Variants in CERS4 observed in about 807,000 individuals in gnomAD.
CERS4 encodes the protein LAG1 homolog, ceramide synthase 4.
Under a neutral mutation model 51.8 loss-of-function variants are expected in CERS4, and 65 were observed. That is an observed-to-expected ratio of 1.26 (90% CI 1.03 to 1.54). CERS4 has a LOEUF of 1.54. Among genes scored for constraint, CERS4 ranks in the 40% most tolerant of loss-of-function variants. CERS4 has a pLI of 0.00. For missense variants in CERS4, 563 were observed against 500.4 expected, an observed-to-expected ratio of 1.13 and a Z score of -1.19; for synonymous variants, 228 against 208.4, an observed-to-expected ratio of 1.09 and a Z score of -0.81.
chr19:8,256,886 C>G (rs1969415680), intron 8 of CERS4, 63 bp from the exon 9 acceptor site: 1 of 1,611,530 alleles, frequency 6.2e-7, no homozygotes, highest in Non-Finnish European at 8.5e-7. Flanking sequence ...CTTCTTGGCC[C>G]ATAGGGTGGG....
At chr19:8,238,619 G>A (rs753295928) in intron 2 of CERS4, 19 of 980,946 alleles carry the variant, frequency 1.9e-5, no homozygotes, top group Non-Finnish European at 2.3e-5. Flanking sequence ...CCAGAGTTGG[G>A]TGGGCACCTG....
At chr19:8,258,077 C>T in intron 10 of CERS4, 92 bp downstream of exon 10, 4 of 1,026,024 alleles carry the variant, frequency 3.9e-6, no homozygotes, top group Non-Finnish European at 6.1e-6. Context: ...CCCCAAGGAG[C>T]TGGGGATCTT....
intron 2 of CERS4, among the ~76,000 whole-genome samples, chr19:8,248,977 A>G (rs114171709): frequency 0.042 from 5,939 of 141,234 alleles, 146 homozygotes; most frequent in African/African-American, 0.056. Flanking sequence ...TGTTTTGATG[A>G]ATTAACAGAT....
At chr19:8,236,351 C>G (rs1266049248) in intron 2 of CERS4, among the ~76,000 whole-genome samples, 1 of 152,146 alleles carries the variant, frequency 6.6e-6, no homozygotes, top group Non-Finnish European at 1.5e-5. Context: ...AGGGGGAACT[C>G]TGTATATGCT....
At chr19:8,247,721 G>A (rs1314244815) in intron 2 of CERS4, among the ~76,000 whole-genome samples, 1 of 144,020 alleles carries the variant, frequency 6.9e-6, no homozygotes, top group Admixed American at 7.2e-5. Flanking sequence ...TGCCTGGCCT[G>A]ACCTCCGCAT....
rs183509565 is a variant in CERS4 at position 8,256,853 on chromosome 19, C to T, written c.613-96C>T. ...ATAGAGGCCATGGGCCCAGAGGCCA[C>T]ACCAACCCCCTGAAAGGACCCACTT... On this transcript the variant is annotated intron_variant, in intron 8 of 11. Coordinates refer to ENST00000251363, the MANE Select transcript of CERS4 (RefSeq NM_024552.3). 4.3e-3 allele frequency: 6,893 copies of T among 1,599,258 alleles called. 16 individuals carry two copies. Among genetic ancestry groups the T allele is most frequent in the South Asian group, 5.7e-3 (503 of 88,258 alleles).
Position 8,257,974 on chromosome 19 carries a change from C to T in CERS4, c.837C>T (p.Leu279=). Residue 279 remains leucine (L), a synonymous_variant, in exon 10 of 12, where the codon CTC becomes CTT. Transcript: ENST00000251363. The part of the protein sequence containing the change: ...SFVFFYTRLV[L]FPTQILYTTY... ...TCTTCTTCTACACCCGACTGGTCCT[C>T]TTTCCCACCCAGTGAGTCAGCCCTC... The T allele has an allele frequency of 1.2e-6, 2 of 1,613,804 alleles. No homozygotes were observed. The highest frequency in any genetic ancestry group is 1.7e-6 in the Non-Finnish European group (2 of 1,179,850).
At chr19:8,220,817 G>GTT (rs71165296) in intron 2 of CERS4, among the ~76,000 whole-genome samples, 362 of 144,442 alleles carry the variant, frequency 2.5e-3, no homozygotes, top group African/African-American at 7.5e-3. Context: ...GCTGTTTTGT[G>GTT]TTTTTTTTTT....
chr19:8,236,680 TAAAAAAA>T lies in CERS4; in HGVS notation c.-1-14381_-1-14375del, dbSNP rs59164781. ...AGCAACAGAACCAGGCCCTGTCTTC[TAAAAAAA>T]AAAAAAAAAAAAAAGAAAGAAAGAA... On this transcript the variant is annotated intron_variant, in intron 2 of 11. Transcript: ENST00000251363. Among the ~76,000 whole-genome samples, 141 of 122,360 alleles carry T rather than the reference TAAAAAAA, an allele frequency of 1.2e-3. 3 individuals are homozygous for T. In the East Asian group the frequency reaches 0.021, roughly 18 times the overall value. 80.3% of individuals were successfully genotyped at this position (122,360 alleles called of 152,430 possible). A position where few individuals can be genotyped will look rare whatever the true frequency, so the allele number is the denominator to read the frequency against.
intron 10 of CERS4, among the ~76,000 whole-genome samples, chr19:8,258,398 G>T (rs1969508578): frequency 6.6e-6 from 1 of 152,160 alleles, no homozygotes; most frequent in Non-Finnish European, 1.5e-5. Context: ...GCGAAGGAGA[G>T]ATTTACTAAC....
chr19:8,254,638 C>A, intron 4 of CERS4, 22 bp downstream of exon 4: 1 of 1,580,862 alleles, frequency 6.3e-7, no homozygotes. Context: ...CCATGCCCTC[C>A]GACCCGCACT....
rs775840159 is a variant in CERS4 at position 8,262,116 on chromosome 19, G to A, written c.*7G>A. The A allele has an allele frequency of 1.6e-5, 23 of 1,455,090 alleles. No individual in the cohort carries two copies. Among genetic ancestry groups the A allele is most frequent in the African/African-American group, 1.3e-4 (9 of 70,098 alleles). 90.1% of individuals were successfully genotyped at this position (1,455,090 alleles called of 1,614,324 possible). On this transcript the variant is annotated 3_prime_UTR_variant, in exon 12 of 12. Coordinates refer to ENST00000251363, the MANE Select transcript of CERS4 (RefSeq NM_024552.3). ...GCACACAACAGCCACATAGCCGGGCGGGGCTGGCTGTAAGGGGTTGCCCCC... is the reference window on the plus strand; with the variant it reads ...GCACACAACAGCCACATAGCCGGGCAGGGCTGGCTGTAAGGGGTTGCCCCC...
At chr19:8,232,461 T>G (rs866203845) in intron 2 of CERS4, among the ~76,000 whole-genome samples, 2 of 152,100 alleles carry the variant, frequency 1.3e-5, no homozygotes, top group South Asian at 4.2e-4. Flanking sequence ...CGGCAATTTT[T>G]TTGTATTTTT....
chr19:8,255,958 G>C (rs2145318600), intron 6 of CERS4, 79 bp downstream of exon 6: 1 of 1,473,682 alleles, frequency 6.8e-7, no homozygotes, highest in Non-Finnish European at 9.4e-7. Context: ...GGGGTGTGGA[G>C]TGGTGCAGCC....
At chr19:8,230,196 T>C (rs1381357942) in intron 2 of CERS4, among the ~76,000 whole-genome samples, 1 of 152,164 alleles carries the variant, frequency 6.6e-6, no homozygotes, top group African/African-American at 2.4e-5. Context: ...TTTTCTTTTT[T>C]TTTCTTTTTT....
intron 2 of CERS4, among the ~76,000 whole-genome samples, chr19:8,218,226 A>G (rs777739068): frequency 1.3e-5 from 2 of 152,122 alleles, no homozygotes; most frequent in Non-Finnish European, 2.9e-5. Context: ...TGGCCTCCCA[A>G]AGCACTGGGA....
At chr19:8,251,001 C>T in intron 2 of CERS4, 75 bp from the exon 3 acceptor site, 1 of 1,499,166 alleles carries the variant, frequency 6.7e-7, no homozygotes, top group South Asian at 1.4e-5. Context: ...TTCTGAGGCT[C>T]CAGCCTCTCA....
At chr19:8,222,379 A>C (rs1179276852) in intron 2 of CERS4, among the ~76,000 whole-genome samples, 2 of 151,614 alleles carry the variant, frequency 1.3e-5, no homozygotes, top group Non-Finnish European at 2.9e-5. Flanking sequence ...GGGTTTCACC[A>C]TGTTGGCCAG....
intron 2 of CERS4, among the ~76,000 whole-genome samples, chr19:8,232,146 T>C (rs1795004200): frequency 6.6e-6 from 1 of 151,868 alleles, no homozygotes; most frequent in African/African-American, 2.4e-5. Flanking sequence ...TCTTAATCTT[T>C]AAGCCAGTTT....
Sources: allele counts gnomAD v4.1 joint callset (sites outside exome capture counted in the v4.1 genomes callset), GRCh38; gene constraint gnomAD v4.1.1; transcripts MANE v1.5; gene names NCBI Gene and HGNC (gene_info 2026-07-23, HGNC 2026-07-21).